Variants in BCAS3 observed in about 807,000 individuals in gnomAD.
The protein encoded by BCAS3 is BCAS4/BCAS3 fusion.
In BCAS3, 53 loss-of-function variants were observed where a neutral mutation model predicts 116.1. The observed-to-expected ratio is 0.46, with a 90% confidence interval of 0.37 to 0.57. The LOEUF (loss-of-function observed/expected upper bound fraction) is 0.57. BCAS3 is among the 20% of genes least tolerant of loss of function. The pLI, the probability that BCAS3 is intolerant of heterozygous loss-of-function variation, is 0.00. For synonymous variants in BCAS3, 391 were observed against 408.2 expected, an observed-to-expected ratio of 0.96 and a Z score of 0.51; for missense variants, 917 against 1,165.4, an observed-to-expected ratio of 0.79 and a Z score of 3.10.
At chr17:60,786,157 T>A (rs1241035689) in intron 6 of BCAS3, among the ~76,000 whole-genome samples, 1 of 152,126 alleles carries the variant, frequency 6.6e-6, no homozygotes, top group African/African-American at 2.4e-5. Flanking sequence ...TAAAATTATG[T>A]CAGTAATTTC....
At chr17:61,372,982 C>G (rs897770298) in intron 23 of BCAS3, among the ~76,000 whole-genome samples, 1 of 152,186 alleles carries the variant, frequency 6.6e-6, no homozygotes, top group African/African-American at 2.4e-5. Flanking sequence ...TCGACTTTAA[C>G]TCTTTCAATA....
At chr17:61,168,256 A>G (rs2078634530) in intron 22 of BCAS3, among the ~76,000 whole-genome samples, 1 of 152,080 alleles carries the variant, frequency 6.6e-6, no homozygotes, top group South Asian at 2.1e-4. Context: ...ACTCTGGAAG[A>G]TCTTTTTGAT....
Position 61,368,484 on chromosome 17 carries a change from A to G in BCAS3, c.2583A>G (p.Gly861=). ...AGTCACCTAGCCGGGACGTCGTGGGATCCGGAACAGGTAAAGGTGTCATCA... is the reference window on the plus strand; with the variant it reads ...AGTCACCTAGCCGGGACGTCGTGGGGTCCGGAACAGGTAAAGGTGTCATCA... The part of the protein sequence containing the change: ...MAESPSRDVV[G]SGTELQREGS... The change falls in exon 23 of 24, where the codon GGA becomes GGG. Residue 861 remains glycine (G), a synonymous_variant. Coordinates refer to ENST00000407086, the MANE Select transcript of BCAS3 (RefSeq NM_017679.5). The surrounding 1 kb of genome is among the most constrained non-coding windows in gnomAD (Gnocchi z 6.0). 2 of 1,605,374 alleles carry G rather than the reference A, an allele frequency of 1.2e-6. No homozygotes were observed.
intron 4 of BCAS3, among the ~76,000 whole-genome samples, chr17:60,701,919 A>T (rs2036465848): frequency 6.6e-6 from 1 of 152,104 alleles, no homozygotes; most frequent in Non-Finnish European, 1.5e-5. Flanking sequence ...GGTTGCAGTG[A>T]GCCAAGATTG....
intron 5 of BCAS3, among the ~76,000 whole-genome samples, chr17:60,740,110 G>A (rs988172856): frequency 7.2e-5 from 11 of 152,002 alleles, no homozygotes; most frequent in African/African-American, 2.7e-4. Flanking sequence ...TGTTTTCTGA[G>A]CTTACCAGTT....
Position 61,023,497 on chromosome 17 carries a change from A to G in BCAS3, c.1637+7596A>G, listed in dbSNP as rs2066014616. Among the ~76,000 whole-genome samples, 1 of 152,196 alleles carries G rather than the reference A, an allele frequency of 6.6e-6. No homozygotes were observed. Among genetic ancestry groups the G allele is most frequent in the South Asian group, 2.1e-4 (1 of 4,832 alleles). ...AACAGAATTGTTACTAATACCTTTT[A>G]GCACTAGAGTCAGATTATAGAGGAT... On this transcript the variant is annotated intron_variant, in intron 16 of 23. Coordinates refer to ENST00000407086, the MANE Select transcript of BCAS3 (RefSeq NM_017679.5). The surrounding 1 kb of genome is among the most constrained non-coding windows in gnomAD (Gnocchi z 4.8).
chr17:61,270,598 G>A (rs764805891), intron 22 of BCAS3, among the ~76,000 whole-genome samples: 9 of 151,950 alleles, frequency 5.9e-5, no homozygotes, highest in Non-Finnish European at 8.8e-5. Context: ...ATTTGATGTC[G>A]TCCTATTTGT....
At chr17:61,331,249 C>T (rs2056264560) in intron 22 of BCAS3, among the ~76,000 whole-genome samples, 1 of 152,144 alleles carries the variant, frequency 6.6e-6, no homozygotes, top group South Asian at 2.1e-4. Context: ...TGGACAGTTG[C>T]CAAAGGTTCC....
At chr17:61,075,046 T>C (rs758771670) in intron 20 of BCAS3, 26 bp downstream of exon 20, 10 of 1,542,906 alleles carry the variant, frequency 6.5e-6, no homozygotes, top group Middle Eastern at 1.7e-4. Context: ...ATTGAGAGTA[T>C]TAAAGTAAAA....
chr17:60,888,216 C>T (rs917682667), intron 9 of BCAS3, among the ~76,000 whole-genome samples: 3 of 152,098 alleles, frequency 2.0e-5, no homozygotes, highest in Non-Finnish European at 2.9e-5. Flanking sequence ...TCTAAAAATA[C>T]GGACTCAAAA....
At chr17:60,685,478 A>G (rs1447963460) in intron 3 of BCAS3, among the ~76,000 whole-genome samples, 1 of 151,096 alleles carries the variant, frequency 6.6e-6, no homozygotes, top group Non-Finnish European at 1.5e-5. Context: ...AAAAGAACAT[A>G]GTCTTTGATA....
Position 61,388,757 on chromosome 17 carries a change from C to T in BCAS3, c.2594-3220C>T, listed in dbSNP as rs112267505. The T allele has an allele frequency of 0.04, 59,859 of 1,504,076 alleles. 1,474 individuals are homozygous for T. The highest frequency in any genetic ancestry group is 0.047 in the Non-Finnish European group (52,134 of 1,121,014). 93.2% of individuals were successfully genotyped at this position (1,504,076 alleles called of 1,614,324 possible). ...CCGCTTGCTCGTAGGGCTGGGCGGC[C>T]GGGATGACTTGGAGGGGGGAATCTG... On this transcript the variant is annotated intron_variant, in intron 23 of 23. Transcript: ENST00000407086. This position sits in a 1 kb window ranked among gnomAD's most constrained non-coding sequence, Gnocchi z 6.5.
intron 5 of BCAS3, among the ~76,000 whole-genome samples, chr17:60,736,074 G>A (rs1324887129): frequency 4.0e-5 from 6 of 148,560 alleles, no homozygotes; most frequent in African/African-American, 7.8e-5. Context: ...GTCTCACTTC[G>A]TCACCCAGGC....
At position 61,067,799 on chromosome 17, in the gene BCAS3, A is replaced by G. The variant is rs576223747; in HGVS notation, c.2030-7121A>G. Reference sequence around the variant, plus strand: ...TACACAGAAGCCCATATATTCCTATAAGAAAAATACCATAAGTGATTTTTT... The same window carrying G: ...TACACAGAAGCCCATATATTCCTATGAGAAAAATACCATAAGTGATTTTTT... On this transcript the variant is annotated intron_variant, in intron 19 of 23. Coordinates refer to ENST00000407086, the MANE Select transcript of BCAS3 (RefSeq NM_017679.5). Among the ~76,000 whole-genome samples the G allele has an allele frequency of 4.0e-5, 6 of 151,536 alleles. No individual in the cohort carries two copies. In the South Asian group the frequency reaches 1.2e-3, roughly 32 times the overall value.
At chr17:61,101,705 T>C (rs2074337749) in intron 22 of BCAS3, among the ~76,000 whole-genome samples, 1 of 152,132 alleles carries the variant, frequency 6.6e-6, no homozygotes, top group African/African-American at 2.4e-5. Flanking sequence ...GCTCTCATCC[T>C]CTTGACTTGT....
Position 61,084,413 on chromosome 17 carries a change from A to G in BCAS3, c.2328-54A>G. The stretch of plus-strand genomic sequence containing the variant: ...TCCTGATTTAAGGTCATTTGTAGCA[A>G]GTGACAGTTTTGATGCCAGTAACAT... On this transcript the variant is annotated intron_variant, in intron 21 of 23. Transcript: ENST00000407086. This position sits in a 1 kb window ranked among gnomAD's most constrained non-coding sequence, Gnocchi z 5.5. 1 of 1,402,718 alleles carries G rather than the reference A, an allele frequency of 7.1e-7. No homozygotes were observed. The highest frequency in any genetic ancestry group is 9.9e-7 in the Non-Finnish European group (1 of 1,006,402). The allele number at this position is 1,402,718 out of a possible 1,614,324, so 86.9% of individuals were successfully genotyped here.
At chr17:61,311,893 CA>C (rs913192001) in intron 22 of BCAS3, among the ~76,000 whole-genome samples, 1 of 131,072 alleles carries the variant, frequency 7.6e-6, no homozygotes, top group African/African-American at 4.0e-5. Context: ...GACTCCATCT[CA>C]AAAAAAAGCA....
At chr17:60,881,082 C>T (rs1376397073) in intron 9 of BCAS3, among the ~76,000 whole-genome samples, 3 of 152,182 alleles carry the variant, frequency 2.0e-5, no homozygotes, top group Non-Finnish European at 4.4e-5. Flanking sequence ...TCACGCCATT[C>T]TCCTGCCTCA....
rs187260032 is a variant in BCAS3 at position 60,912,853 on chromosome 17, A to T, written c.993+2151A>T. Among the ~76,000 whole-genome samples, 29 of 152,108 alleles carry T rather than the reference A, an allele frequency of 1.9e-4. 1 individual carries two copies. Among genetic ancestry groups the T allele is most frequent in the African/African-American group, 6.3e-4 (26 of 41,450 alleles). Reference sequence around the variant, plus strand: ...TCTCCTCAACATTGTCTAGGACCATACATCTGTTAAAGATCTAGCATTTGT... The same window carrying T: ...TCTCCTCAACATTGTCTAGGACCATTCATCTGTTAAAGATCTAGCATTTGT... On this transcript the variant is annotated intron_variant, in intron 12 of 23. Transcript: ENST00000407086.
Sources: allele counts gnomAD v4.1 joint callset (sites outside exome capture counted in the v4.1 genomes callset), GRCh38; gene constraint gnomAD v4.1.1; non-coding constraint Gnocchi (gnomAD v3.1); transcripts MANE v1.5; gene names NCBI Gene and HGNC (gene_info 2026-07-23, HGNC 2026-07-21).